POLR3B: variants seen among roughly 807,000 people sequenced by gnomAD.
POLR3B encodes the protein DNA-directed RNA polymerase III subunit RPC2.
In POLR3B, 96 loss-of-function variants were observed where a neutral mutation model predicts 147.4. The observed-to-expected ratio is 0.65, with a 90% CI of 0.55 to 0.77. The LOEUF (loss-of-function observed/expected upper bound fraction) is 0.77. POLR3B is among the 30% of genes least tolerant of loss of function. The pLI, the probability that POLR3B is intolerant of heterozygous loss-of-function variation, is 0.00. For missense variants in POLR3B, 1,036 were observed against 1,413.5 expected (o/e 0.73, Z 4.28); for synonymous variants, 461 against 485.9 (o/e 0.95, Z 0.67).
chr12:106,440,220 C>G (rs2037631851), intron 18 of POLR3B, among the ~76,000 whole-genome samples: 1 of 152,196 alleles, frequency 6.6e-6, no homozygotes, highest in African/African-American at 2.4e-5. Flanking sequence ...CCTAGCTCAT[C>G]ACATGAGCCT....
chr12:106,466,952 T>C lies in POLR3B; in HGVS notation c.2713+3332T>C, dbSNP rs149604265. Among the ~76,000 whole-genome samples the C allele has an allele frequency of 3.3e-5, 5 of 152,356 alleles. No individual in the cohort carries two copies. The East Asian group carries it at 5.8e-4, about 18-fold the overall frequency. ...GTATGTGGGCTCTTTTTTGGTTCCA[T>C]ATGAACTTTAAAGTAGTTTTCTCTG... On this transcript the variant is annotated intron_variant, in intron 23 of 27. Transcript: ENST00000228347.
At chr12:106,492,301 TCA>T (rs2137069804) in intron 23 of POLR3B, among the ~76,000 whole-genome samples, 2 of 152,252 alleles carry the variant, frequency 1.3e-5, no homozygotes, top group South Asian at 4.1e-4. Flanking sequence ...GCATGGTGGC[TCA>T]CACCTTTAAT....
chr12:106,450,637 C>A (rs1398957603), intron 19 of POLR3B, among the ~76,000 whole-genome samples: 1 of 152,024 alleles, frequency 6.6e-6, no homozygotes, highest in East Asian at 1.9e-4. Flanking sequence ...CAAATTAAGA[C>A]CCCTATAAGA....
chr12:106,446,435 A>G (rs964645878), intron 19 of POLR3B: 13 of 339,686 alleles, frequency 3.8e-5, no homozygotes, highest in African/African-American at 2.9e-4. Context: ...AAAAAAAAAA[A>G]GAAAAGAGAA....
At chr12:106,386,085 C>T (rs1215938135) in intron 9 of POLR3B, among the ~76,000 whole-genome samples, 2 of 152,274 alleles carry the variant, frequency 1.3e-5, no homozygotes, top group Admixed American at 1.3e-4. Flanking sequence ...GTGGCTCATG[C>T]CTATAATCCC....
intron 8 of POLR3B, 98 bp downstream of exon 8, chr12:106,378,482 T>C: frequency 1.4e-6 from 1 of 708,222 alleles, no homozygotes; most frequent in Non-Finnish European, 2.5e-6. Flanking sequence ...TATTACCCTC[T>C]AAAAGCAGGC....
Position 106,378,370 on chromosome 12 carries a change from A to G in POLR3B, c.600A>G (p.Gly200=), listed in dbSNP as rs2036710448. 6.2e-7 allele frequency: 1 copy of G among 1,606,554 alleles called. No individual in the cohort carries two copies. Among genetic ancestry groups the G allele is most frequent in the East Asian group, 2.2e-5 (1 of 44,844 alleles). ...IVEADRKGAV[G]ASVTSSTHEK... ...AGGCTGATAGAAAAGGGGCTGTTGGAGCTTCAGTTACCAGGTATGGAAAGC... is the reference window on the plus strand; with the variant it reads ...AGGCTGATAGAAAAGGGGCTGTTGGGGCTTCAGTTACCAGGTATGGAAAGC... Residue 200 remains glycine, a synonymous_variant, in exon 8 of 28, where the codon GGA becomes GGG. Coordinates refer to ENST00000228347, the MANE Select transcript of POLR3B (RefSeq NM_018082.6).
chr12:106,376,353 A>G lies in POLR3B; in HGVS notation c.405-6A>G, dbSNP rs757060723. 1.3e-6 allele frequency: 2 copies of G among 1,599,878 alleles called. No individual in the cohort carries two copies. Among genetic ancestry groups the G allele is most frequent in the Admixed American group, 1.7e-5 (1 of 59,960 alleles). On this transcript the variant is annotated splice_region_variant and splice_polypyrimidine_tract_variant and intron_variant, in intron 6 of 27. Coordinates refer to ENST00000228347, the MANE Select transcript of POLR3B (RefSeq NM_018082.6). ...GTGATATTTTCTTTTGTTTTATTTT[A>G]TACAGAATGCCCATAATGCTACGTA... is the stretch of plus-strand genomic sequence containing the variant.
intron 1 of POLR3B, among the ~76,000 whole-genome samples, chr12:106,361,154 CTT>C (rs1353183393): frequency 6.6e-6 from 1 of 152,138 alleles, no homozygotes; most frequent in Non-Finnish European, 1.5e-5. Flanking sequence ...TGTACACTGG[CTT>C]TAGTGCTGAG....
chr12:106,478,431 G>A (rs2038213537), intron 23 of POLR3B, among the ~76,000 whole-genome samples: 1 of 152,050 alleles, frequency 6.6e-6, no homozygotes, highest in South Asian at 2.1e-4. Flanking sequence ...TGACTTGTAC[G>A]TCTCTTTGCG....
At chr12:106,501,199 C>T (rs2038594731) in intron 25 of POLR3B, 124 bp from the exon 26 acceptor site, 2 of 728,774 alleles carry the variant, frequency 2.7e-6, no homozygotes, top group Admixed American at 3.9e-5. Context: ...TCACTACAGA[C>T]TGAAAATCAT....
At chr12:106,402,910 A>AT in intron 10 of POLR3B, among the ~76,000 whole-genome samples, 1 of 152,328 alleles carries the variant, frequency 6.6e-6, no homozygotes, top group Middle Eastern at 3.4e-3. Context: ...CAGGGACTTC[A>AT]TGTCTAAAAC....
intron 5 of POLR3B, 96 bp from the exon 6 acceptor site, chr12:106,369,487 T>C (rs2036575564): frequency 1.0e-6 from 1 of 978,258 alleles, no homozygotes; most frequent in Non-Finnish European, 1.7e-6. Flanking sequence ...AAGTTCAATG[T>C]GGACCATAAT....
intron 24 of POLR3B, 89 bp from the exon 25 acceptor site, chr12:106,496,663 G>A (rs1303043018): frequency 1.8e-6 from 2 of 1,087,584 alleles, no homozygotes; most frequent in African/African-American, 1.5e-5. Context: ...TATTAATAGT[G>A]GTCGTGGGGA....
At chr12:106,404,607 G>C (rs527263183) in intron 10 of POLR3B, among the ~76,000 whole-genome samples, 1 of 152,000 alleles carries the variant, frequency 6.6e-6, no homozygotes, top group Non-Finnish European at 1.5e-5. Context: ...TTAGTGAATT[G>C]TCTTTTTATT....
intron 1 of POLR3B, among the ~76,000 whole-genome samples, chr12:106,360,365 C>A (rs1029320524): frequency 6.6e-6 from 1 of 152,146 alleles, no homozygotes; most frequent in African/African-American, 2.4e-5. Flanking sequence ...CATGGTTCCC[C>A]CCTCTCCCTC....
chr12:106,433,991 T>G, intron 16 of POLR3B, 119 bp downstream of exon 16: 2 of 821,712 alleles, frequency 2.4e-6, no homozygotes, highest in South Asian at 3.3e-5. Flanking sequence ...GAAGATAAAT[T>G]TAATTCCGTG....
chr12:106,378,292 AG>A lies in POLR3B; in HGVS notation c.523del (p.Glu175LysfsTer44). ...PGGYFIVKGV[E>X]KVILIQEQLS... ...GTGGCTACTTCATTGTTAAAGGAGT[AG>A]AAAAAGTTATTCTTATCCAAGAGCA... On this transcript the variant is annotated frameshift_variant, in exon 8 of 28. Transcript: ENST00000228347. LOFTEE classifies it high-confidence loss of function. The A allele has an allele frequency of 6.2e-7, 1 of 1,613,036 alleles. No homozygotes were observed. The highest frequency in any genetic ancestry group is 8.5e-7 in the Non-Finnish European group (1 of 1,179,000).
chr12:106,411,461 C>T (rs2037226263), intron 12 of POLR3B, among the ~76,000 whole-genome samples: 1 of 152,120 alleles, frequency 6.6e-6, no homozygotes. Flanking sequence ...GTTAATAGTA[C>T]GTGACCTATA....
Sources: gnomAD v4.1 joint callset for allele counts (sites outside exome capture counted in the v4.1 genomes callset) on GRCh38, gnomAD v4.1.1 for gene constraint, MANE v1.5 for transcripts, NCBI Gene and HGNC (gene_info 2026-07-23, HGNC 2026-07-21) for gene names.